The following E2F4 variants were observed in gnomAD, a reference collection of about 807,000 sequenced individuals.
E2F4 encodes E2F transcription factor 4.
E2F4 carries 16 observed loss-of-function variants against 44.5 expected under a neutral mutation model. That is an observed-to-expected ratio of 0.36 (90% CI 0.24 to 0.55). The LOEUF is 0.55. E2F4 is among the 20% of genes least tolerant of loss of function. The probability of loss-of-function intolerance (pLI) is 0.87; values close to 1 mark genes in which losing one functional copy is unlikely to be tolerated. For synonymous variants in E2F4, 242 were observed against 207.2 expected (o/e 1.17, Z -1.44); for missense variants, 473 against 522.1 (o/e 0.91, Z 0.92).
intron 1 of E2F4, 197 bp from the exon 2 acceptor site, chr16:67,192,564 G>T: frequency 1.0e-6 from 1 of 986,272 alleles, no homozygotes; most frequent in South Asian, 1.7e-5. Flanking sequence ...CGGGCTGCAG[G>T]TGTTCGTCCT....
chr16:67,193,394 T>TA (rs1296209622), intron 3 of E2F4, 78 bp from the exon 4 acceptor site: 1 of 1,577,578 alleles, frequency 6.3e-7, no homozygotes, highest in East Asian at 2.2e-5. Context: ...TGTCAGACCT[T>TA]AGCTAAAGAA....
rs1433177837 is a variant in E2F4 at position 67,192,180 on chromosome 16, G to A, written c.-48G>A. The A allele has an allele frequency of 2.5e-6, 3 of 1,202,470 alleles. No homozygotes were observed. The highest frequency in any genetic ancestry group is 4.1e-5 in the South Asian group (1 of 24,166). 74.5% of individuals were successfully genotyped at this position (1,202,470 alleles called of 1,614,324 possible). ...AGGAACGGAAGCGGAAGTGGCGGCGGCGCCGGCCTGGCCTGGCCTGGCTGA... is the reference window on the plus strand; with the variant it reads ...AGGAACGGAAGCGGAAGTGGCGGCGACGCCGGCCTGGCCTGGCCTGGCTGA... On this transcript the variant is annotated 5_prime_UTR_variant, in exon 1 of 10. Coordinates refer to ENST00000379378, the MANE Select transcript of E2F4 (RefSeq NM_001950.4).
chr16:67,193,299 C>T, intron 3 of E2F4, 129 bp downstream of exon 3: 1 of 1,487,524 alleles, frequency 6.7e-7, no homozygotes, highest in Non-Finnish European at 9.3e-7. Context: ...AGGCTCCCTC[C>T]TCAGAGCCCC....
chr16:67,198,884 A>G lies in E2F4; in HGVS notation c.*761A>G, dbSNP rs1024842632. 1.8e-5 allele frequency: 9 copies of G among 492,106 alleles called. No individual in the cohort carries two copies. The highest frequency in any genetic ancestry group is 1.1e-3 in the Middle Eastern group (2 of 1,898). The allele number at this position is 492,106 out of a possible 1,614,324, so 30.5% of individuals were successfully genotyped here. On this transcript the variant is annotated 3_prime_UTR_variant, in exon 10 of 10. Transcript: ENST00000379378. ...CAAAAGGAAATTGTAATATTTGTACAGTGTTCAAGTGAATAAAAACCATGC... is the reference window on the plus strand; with the variant it reads ...CAAAAGGAAATTGTAATATTTGTACGGTGTTCAAGTGAATAAAAACCATGC...
intron 7 of E2F4, among the ~76,000 whole-genome samples, chr16:67,196,569 C>G (rs1193349395): frequency 6.6e-6 from 1 of 152,176 alleles, no homozygotes; most frequent in Non-Finnish European, 1.5e-5. Flanking sequence ...TTAAACATTG[C>G]TGTTTTTGAG....
chr16:67,193,583 A>G, intron 4 of E2F4, 68 bp downstream of exon 4: 19 of 1,537,224 alleles, frequency 1.2e-5, no homozygotes, highest in Non-Finnish European at 1.7e-5. Flanking sequence ...CACTGGGCTC[A>G]GTGTCTTAGG....
At chr16:67,193,950 G>C (rs1597275191) in intron 4 of E2F4, 3 of 242,108 alleles carry the variant, frequency 1.2e-5, no homozygotes, top group Non-Finnish European at 2.4e-5. Context: ...GGCTCTTGCT[G>C]TGTTGCCCAG....
At chr16:67,197,501 G>A in intron 7 of E2F4, 98 bp from the exon 8 acceptor site, 2 of 1,237,068 alleles carry the variant, frequency 1.6e-6, no homozygotes, top group Non-Finnish European at 2.4e-6. Flanking sequence ...GCTGTGTGGA[G>A]CCTCAGGGTG....
In E2F4 at chr16:67,192,357, A is replaced by T; in HGVS notation, c.130A>T (p.Lys44Ter). The change falls in exon 1 of 10, where the codon AAG (lysine) becomes TAG (stop). Residue 44 changes from lysine to a stop codon, truncating the protein, a stop_gained. Transcript: ENST00000379378. LOFTEE classifies it high-confidence loss of function. ...GGCCAAGGACGGCGTGCTTGACCTCAAGCTGGTGCGGCCTGGGCTAAGGGG... is the reference window on the plus strand; with the variant it reads ...GGCCAAGGACGGCGTGCTTGACCTCTAGCTGGTGCGGCCTGGGCTAAGGGG... The part of the protein sequence containing the change: ...QEAKDGVLDL[K>*]LAADTLAVRQ... The T allele has an allele frequency of 7.1e-7, 1 of 1,414,178 alleles. No individual in the cohort carries two copies. The highest frequency in any genetic ancestry group is 9.2e-7 in the Non-Finnish European group (1 of 1,082,042). 87.6% of individuals were successfully genotyped at this position (1,414,178 alleles called of 1,614,324 possible). A position where few individuals can be genotyped will look rare whatever the true frequency, so the allele number is the denominator to read the frequency against.
chr16:67,198,737 A>C lies in E2F4; in HGVS notation c.*614A>C. 1 of 186,450 alleles carries C rather than the reference A, an allele frequency of 5.4e-6. No homozygotes were observed. The highest frequency in any genetic ancestry group is 5.6e-5 in the Admixed American group (1 of 17,882). 11.5% of individuals were successfully genotyped at this position (186,450 alleles called of 1,614,324 possible). Reference sequence around the variant, plus strand: ...GATTGGCCCCACCTCCTGCTGCCCCATAACCCTCTCTTCATTTCGGCTTTT... The same window carrying C: ...GATTGGCCCCACCTCCTGCTGCCCCCTAACCCTCTCTTCATTTCGGCTTTT... On this transcript the variant is annotated 3_prime_UTR_variant, in exon 10 of 10. Coordinates refer to ENST00000379378, the MANE Select transcript of E2F4 (RefSeq NM_001950.4).
chr16:67,194,198 C>T, intron 4 of E2F4, 200 bp from the exon 5 acceptor site: 2 of 578,998 alleles, frequency 3.5e-6, no homozygotes, highest in Non-Finnish European at 6.1e-6. Flanking sequence ...ATAATTGAAC[C>T]CAGATTTCCT....
At chr16:67,197,318 G>T (rs1333111208) in intron 7 of E2F4, among the ~76,000 whole-genome samples, 1 of 152,188 alleles carries the variant, frequency 6.6e-6, no homozygotes, top group African/African-American at 2.4e-5. Flanking sequence ...CAGACAGGGG[G>T]TGCATGCTGA....
chr16:67,193,549 GCTGGGCTCAGCCAAAGTCCTGAGCA>G (rs768469611), intron 4 of E2F4, 34 bp downstream of exon 4: 33 of 1,612,520 alleles, frequency 2.0e-5, no homozygotes, highest in Non-Finnish European at 2.5e-5. Context: ...AAGGGGGTGG[GCTGGGCTCAGCCAAAGTCCTGAGCA>G]CTGGGCTCAG....
At chr16:67,197,785 A>G in intron 8 of E2F4, 82 bp from the exon 9 acceptor site, 1 of 1,607,322 alleles carries the variant, frequency 6.2e-7, no homozygotes, top group Non-Finnish European at 8.5e-7. Context: ...CCTGATGGGC[A>G]GGTGGGGTTC....
Position 67,195,775 on chromosome 16 carries a change from A to T in E2F4, c.809-7A>T. On this transcript the variant is annotated splice_polypyrimidine_tract_variant and splice_region_variant and intron_variant, in intron 6 of 9. Transcript: ENST00000379378. The stretch of plus-strand genomic sequence containing the variant: ...TGTATGACTGGGTTTGGGGGCTATC[A>T]TTGTAGTGAGTGGCGGCCCTGGGAC... 1 of 1,614,048 alleles carries T rather than the reference A, an allele frequency of 6.2e-7. No homozygotes were observed. The highest frequency in any genetic ancestry group is 1.1e-5 in the South Asian group (1 of 91,076).
Position 67,194,951 on chromosome 16 carries a change from G to C in E2F4, c.779G>C (p.Gly260Ala). The change falls in exon 6 of 10, where the codon GGA becomes GCA. Residue 260 changes from glycine to alanine, a missense_variant. Around this residue, in one of 3 missense-constraint regions of E2F4, gnomAD observed 314 missense variants for 315.6 expected, o/e 0.99. Transcript: ENST00000379378. ...GTCCCTGGCAGTGCAGAAGTCCAGG[G>C]AATGGCTGGCCCAGCAGCTGAGATC... is the stretch of plus-strand genomic sequence containing the variant. ...TAVPGSAEVQGMAGPAAEITV... is the reference protein window; with the variant it reads ...TAVPGSAEVQAMAGPAAEITV... 1 of 1,613,990 alleles carries C rather than the reference G, an allele frequency of 6.2e-7. No homozygotes were observed. Among genetic ancestry groups the C allele is most frequent in the Non-Finnish European group, 8.5e-7 (1 of 1,179,870 alleles).
chr16:67,198,012 T>C lies in E2F4; in HGVS notation c.1131T>C (p.Phe377=). 6.2e-7 allele frequency: 1 copy of C among 1,614,102 alleles called. No individual in the cohort carries two copies. The highest frequency in any genetic ancestry group is 8.5e-7 in the Non-Finnish European group (1 of 1,179,968). Residue 377 remains phenylalanine, a synonymous_variant, in exon 10 of 10, where the codon TTT becomes TTC. Transcript: ENST00000379378. ...TGAGACTAGTGCTCTCTGCAGTGTT[T>C]GCCCCTCTGCTTCGTCTTTCTCCAC... is the stretch of plus-strand genomic sequence containing the variant. ...LLEELMSSEV[F]APLLRLSPPP... is the part of the protein sequence containing the mutation.
intron 7 of E2F4, 42 bp from the exon 8 acceptor site, chr16:67,197,557 G>T (rs759634194): frequency 5.6e-6 from 9 of 1,612,092 alleles, no homozygotes; most frequent in Non-Finnish European, 7.6e-6. Flanking sequence ...GTGGGGCCAG[G>T]CTGGACCTCT....
chr16:67,192,662 A>G, intron 1 of E2F4, 99 bp from the exon 2 acceptor site: 1 of 1,186,874 alleles, frequency 8.4e-7, no homozygotes, highest in Non-Finnish European at 1.2e-6. Flanking sequence ...GAGGCACTAC[A>G]GGGTTGGAAT....
Sources: allele counts gnomAD v4.1 joint callset (sites outside exome capture counted in the v4.1 genomes callset), GRCh38; gene constraint gnomAD v4.1.1; regional missense constraint gnomAD v4.1.1; transcripts MANE v1.5; gene names NCBI Gene and HGNC (gene_info 2026-07-23, HGNC 2026-07-21).